RNF17: variants seen among roughly 807,000 people sequenced by gnomAD.
The protein encoded by RNF17 is spermatogenesis associated 23.
In RNF17, 31 loss-of-function variants were observed where a neutral mutation model predicts 200.5. The observed-to-expected ratio is 0.15, with a 90% CI of 0.12 to 0.21. RNF17 has a LOEUF of 0.21. Among genes scored for constraint, RNF17 ranks in the 10% least tolerant of loss-of-function variants. The probability of loss-of-function intolerance (pLI) is 1.00; values close to 1 mark genes in which losing one functional copy is unlikely to be tolerated. For synonymous variants in RNF17, 606 were observed against 637.8 expected, an observed-to-expected ratio of 0.95 and a Z score of 0.75; for missense variants, 1,628 against 1,905.1, an observed-to-expected ratio of 0.85 and a Z score of 2.71.
chr13:24,879,130 G>C (rs1895168382), intron 34 of RNF17, 57 bp from the exon 35 acceptor site: 1 of 1,327,250 alleles, frequency 7.5e-7, no homozygotes, highest in South Asian at 1.2e-5. Flanking sequence ...AGATATGAGA[G>C]GGAAAAGGCA....
intron 24 of RNF17, among the ~76,000 whole-genome samples, chr13:24,852,092 T>TC: frequency 6.6e-6 from 1 of 151,992 alleles, no homozygotes; most frequent in Admixed American, 6.6e-5. Flanking sequence ...AGGGACAGGA[T>TC]CAGGATATGG....
rs750803127 is a variant in RNF17 at position 24,874,136 on chromosome 13, T to C, written c.4470T>C (p.Tyr1490=). The stretch of plus-strand genomic sequence containing the variant: ...CAGAAATGCCTTGCCTTGCAGAATA[T>C]GATGATGGCTTATGGTATAGAGCGA... ...FRTEMPCLAE[Y]DDGLWYRAKI... The change falls in exon 33 of 36, where the codon TAT becomes TAC. Residue 1490 remains tyrosine, a synonymous_variant. Coordinates refer to ENST00000255324, the MANE Select transcript of RNF17 (RefSeq NM_031277.3). 3.1e-6 allele frequency: 5 copies of C among 1,610,430 alleles called. No individual in the cohort carries two copies. The South Asian group carries it at 3.3e-5, about 11-fold the overall frequency.
At chr13:24,766,178 C>A (rs1398258529) in intron 1 of RNF17, among the ~76,000 whole-genome samples, 1 of 152,106 alleles carries the variant, frequency 6.6e-6, no homozygotes, top group Non-Finnish European at 1.5e-5. Context: ...GGCAGTGAAC[C>A]GAGATCGTGG....
chr13:24,811,404 G>A lies in RNF17; in HGVS notation c.2091+6975G>A, dbSNP rs181063582. Among the ~76,000 whole-genome samples, 1,476 of 151,662 alleles carry A rather than the reference G, an allele frequency of 9.7e-3. 32 individuals are homozygous for A. The highest frequency in any genetic ancestry group is 0.033 in the African/African-American group (1,345 of 41,292). On this transcript the variant is annotated intron_variant, in intron 15 of 35. Transcript: ENST00000255324. ...CATTTCATTCATTTCATCTTCCATC[G>A]CTGATACCCTTTCTTCCAGTTGATC...
At chr13:24,760,932 G>A (rs1010890405), upstream of RNF17, among the ~76,000 whole-genome samples, 3 of 151,910 alleles carry the variant, frequency 2.0e-5, no homozygotes, top group Admixed American at 2.0e-4. Context: ...ATTACAGACG[G>A]TATTAGAATG....
At chr13:24,818,595 A>G (rs1887675991) in intron 15 of RNF17, among the ~76,000 whole-genome samples, 1 of 152,116 alleles carries the variant, frequency 6.6e-6, no homozygotes. Flanking sequence ...TAATTGTTAT[A>G]TCTTACTGGT....
chr13:24,817,208 T>C (rs1441917315), intron 15 of RNF17, among the ~76,000 whole-genome samples: 1 of 152,152 alleles, frequency 6.6e-6, no homozygotes, highest in East Asian at 1.9e-4. Context: ...TCTTTAAATG[T>C]TTGGTAGAAT....
Position 24,842,110 on chromosome 13 carries a change from C to G in RNF17, c.2552C>G (p.Thr851Ser), listed in dbSNP as rs559495991. ...CTTGGTGCTCCTGAAATGACTACTA[C>G]TAGTATTAATGACCAGCTAGTTAAA... The part of the protein sequence containing the change: ...DSLGAPEMTT[T>S]SINDQLVKEG... Residue 851 changes from threonine to serine, a missense_variant, in exon 19 of 36, where the codon ACT becomes AGT. This residue lies in a region of RNF17 where 227 missense variants were observed against 319.8 expected (regional missense o/e 0.71). Transcript: ENST00000255324. 1 of 1,609,320 alleles carries G rather than the reference C, an allele frequency of 6.2e-7. No individual in the cohort carries two copies. Among genetic ancestry groups the G allele is most frequent in the South Asian group, 1.1e-5 (1 of 90,660 alleles).
At chr13:24,781,733 CTT>C (rs1476973840) in intron 5 of RNF17, 109 bp from the exon 6 acceptor site, 12 of 663,062 alleles carry the variant, frequency 1.8e-5, no homozygotes, top group Non-Finnish European at 1.8e-5. Flanking sequence ...CTCTTTACCT[CTT>C]GTGTTATTTT....
At chr13:24,874,567 C>T (rs909247646) in intron 33 of RNF17, among the ~76,000 whole-genome samples, 24 of 151,910 alleles carry the variant, frequency 1.6e-4, no homozygotes, top group African/African-American at 5.6e-4. Flanking sequence ...CCGCCACCAT[C>T]CCGGCTAATT....
At chr13:24,788,971 T>G (rs939956471) in intron 7 of RNF17, among the ~76,000 whole-genome samples, 2 of 152,162 alleles carry the variant, frequency 1.3e-5, no homozygotes, top group African/African-American at 4.8e-5. Context: ...AATAGTTGTT[T>G]CCTGTGTATT....
chr13:24,826,278 G>A (rs1440049047), intron 16 of RNF17, among the ~76,000 whole-genome samples: 1 of 152,040 alleles, frequency 6.6e-6, no homozygotes, highest in African/African-American at 2.4e-5. Flanking sequence ...ATAAAAAGTG[G>A]GATTGAAGAC....
intron 18 of RNF17, among the ~76,000 whole-genome samples, chr13:24,838,420 G>T (rs528895274): frequency 6.6e-6 from 1 of 152,132 alleles, no homozygotes; most frequent in Non-Finnish European, 1.5e-5. Flanking sequence ...GAACATAGAT[G>T]TTAAAATCCT....
intron 2 of RNF17, among the ~76,000 whole-genome samples, chr13:24,768,977 T>G (rs1593203354): frequency 2.1e-5 from 3 of 145,478 alleles, no homozygotes; most frequent in South Asian, 2.2e-4. Flanking sequence ...TGTGGGAAAT[T>G]CCTAACCTCT....
At chr13:24,855,052 CA>C (rs1197784304) in intron 25 of RNF17, among the ~76,000 whole-genome samples, 8 of 152,246 alleles carry the variant, frequency 5.3e-5, no homozygotes, top group Non-Finnish European at 1.2e-4. Context: ...TTCCATCTTT[CA>C]AACTTTATGT....
intron 30 of RNF17, 42 bp downstream of exon 30, chr13:24,866,245 A>T: frequency 9.4e-7 from 1 of 1,068,506 alleles, no homozygotes; most frequent in Non-Finnish European, 1.4e-6. Context: ...TGGACACTTC[A>T]TTAATAAAAA....
the RNF17 span, chr13:24,885,938 T>G: frequency 2.1e-6 from 1 of 479,362 alleles, no homozygotes; most frequent in Non-Finnish European, 3.8e-6. Flanking sequence ...CCCAAATGTA[T>G]TTCAGAGACA....
chr13:24,848,445 T>G (rs2138189326), intron 22 of RNF17, among the ~76,000 whole-genome samples: 1 of 152,290 alleles, frequency 6.6e-6, no homozygotes, highest in East Asian at 1.9e-4. Context: ...GCAGATCACT[T>G]GAGGTCAGGA....
At chr13:24,793,625 A>G (rs1395416375) in intron 10 of RNF17, among the ~76,000 whole-genome samples, 1 of 152,222 alleles carries the variant, frequency 6.6e-6, no homozygotes, top group East Asian at 1.9e-4. Flanking sequence ...TCTCACATAT[A>G]AGCCTTGTAT....
Sources: gnomAD v4.1 joint callset for allele counts (sites outside exome capture counted in the v4.1 genomes callset) on GRCh38, gnomAD v4.1.1 for gene constraint, gnomAD v4.1.1 regional missense constraint, MANE v1.5 for transcripts, NCBI Gene and HGNC (gene_info 2026-07-23, HGNC 2026-07-21) for gene names.